MUC17: variants seen among roughly 807,000 people sequenced by gnomAD.
The protein encoded by MUC17 is mucin-17.
Under a neutral mutation model 170.3 loss-of-function variants are expected in MUC17, and 190 were observed. The observed-to-expected ratio is 1.12, with a 90% CI of 0.99 to 1.26. The LOEUF (loss-of-function observed/expected upper bound fraction) is 1.26. MUC17 is among the 50% of genes most tolerant of loss of function. MUC17 has a pLI of 0.00. For synonymous variants in MUC17, 2,325 were observed against 2,002.5 expected (o/e 1.16, Z -4.30); for missense variants, 6,415 against 5,530.0 (o/e 1.16, Z -5.08).
chr7:101,043,742 C>T lies in MUC17; in HGVS notation c.12326C>T (p.Thr4109Ile), dbSNP rs373695392. The change falls in exon 3 of 13, where the codon ACC becomes ATC. Residue 4109 changes from threonine to isoleucine, a missense_variant. Coordinates refer to ENST00000306151, the MANE Select transcript of MUC17 (RefSeq NM_001040105.2). ...CGGACCACTTCCTTCCCCACGGTGA[C>T]CACCACCGCTGTCCCCACGAATACT... ...STRTTSFPTV[T>I]TTAVPTNTTI... 11 of 1,614,086 alleles carry T rather than the reference C, an allele frequency of 6.8e-6. No homozygotes were observed. The African/African-American group carries it at 1.3e-4, about 20-fold the overall frequency.
Position 101,048,946 on chromosome 7 carries a change from G to T in MUC17, c.12637G>T (p.Glu4213Ter), listed in dbSNP as rs1554351614. The T allele has an allele frequency of 1.9e-5, 31 of 1,614,180 alleles. No individual in the cohort carries two copies. The highest frequency in any genetic ancestry group is 2.6e-5 in the Non-Finnish European group (31 of 1,180,028). ...LKNHSSQEFQ[E>*]FKQTFTEQMN... The stretch of plus-strand genomic sequence containing the variant: ...AAACCACTCTTCCCAGGAATTCCAG[G>T]AGTTCAAACAGACATTCACGGAACA... Residue 4213 changes from glutamate (E) to a stop codon, truncating the protein, a stop_gained, in exon 5 of 13, where the codon GAG (glutamate) becomes TAG (stop). Transcript: ENST00000306151. LOFTEE classifies it high-confidence loss of function.
At chr7:101,055,007 C>G (rs576815547) in intron 11 of MUC17, among the ~76,000 whole-genome samples, 1 of 152,026 alleles carries the variant, frequency 6.6e-6, no homozygotes, top group East Asian at 1.9e-4. Context: ...ACCTGGGAGG[C>G]TGAGGCAGGA....
intron 3 of MUC17, among the ~76,000 whole-genome samples, chr7:101,045,210 T>G (rs1584873580): frequency 6.6e-6 from 1 of 152,214 alleles, no homozygotes; most frequent in East Asian, 1.9e-4. Context: ...ACTGATTTAT[T>G]TAGATGAATA....
chr7:101,051,560 A>T (rs1243929847), intron 7 of MUC17, 53 bp from the exon 8 acceptor site: 1 of 1,581,490 alleles, frequency 6.3e-7, no homozygotes, highest in African/African-American at 1.4e-5. Flanking sequence ...CTCCCTGAGG[A>T]CGCAGAACAA....
chr7:101,034,199 G>A lies in MUC17; in HGVS notation c.2783G>A (p.Ser928Asn), dbSNP rs751052402. The A allele has an allele frequency of 6.3e-7, 1 of 1,597,230 alleles. No individual in the cohort carries two copies. Among genetic ancestry groups the A allele is most frequent in the East Asian group, 2.4e-5 (1 of 42,398 alleles). Residue 928 changes from serine (S) to asparagine (N), a missense_variant, in exon 3 of 13, where the codon AGT (serine) becomes AAT (asparagine). Coordinates refer to ENST00000306151, the MANE Select transcript of MUC17 (RefSeq NM_001040105.2). ...TPGEGSTPLT[S>N]MPDSTTPVVS... ...GGGGAAGGAAGCACTCCATTAACAA[G>A]TATGCCTGACAGCACCACGCCGGTA...
rs540348300 is a variant in MUC17 at position 101,020,835 on chromosome 7, C to T, written c.82+618C>T. On this transcript the variant is annotated intron_variant, in intron 1 of 12. Coordinates refer to ENST00000306151, the MANE Select transcript of MUC17 (RefSeq NM_001040105.2). ...CCTCTGAGGATCATTCCAGCTCAGC[C>T]GCTTTGGGCTTCATGGCCACAGGGA... Among the ~76,000 whole-genome samples, 61 of 152,292 alleles carry T rather than the reference C, an allele frequency of 4.0e-4. 1 individual carries two copies. The South Asian group carries it at 0.011, about 28-fold the overall frequency.
Position 101,031,974 on chromosome 7 carries a change from A to G in MUC17, c.558A>G (p.Thr186=). 1.2e-6 allele frequency: 2 copies of G among 1,614,156 alleles called. No individual in the cohort carries two copies. The highest frequency in any genetic ancestry group is 1.7e-6 in the Non-Finnish European group (2 of 1,180,034). Residue 186 remains threonine (T), a synonymous_variant, in exon 3 of 13, where the codon ACA becomes ACG. Coordinates refer to ENST00000306151, the MANE Select transcript of MUC17 (RefSeq NM_001040105.2). ...TSLTYKVDMS[T]PLTTSTQASS... ...TAACATATAAGGTTGATATGAGCACACCTCTGACCACTTCTACTCAGGCAA... is the reference window on the plus strand; with the variant it reads ...TAACATATAAGGTTGATATGAGCACGCCTCTGACCACTTCTACTCAGGCAA...
intron 3 of MUC17, among the ~76,000 whole-genome samples, chr7:101,046,219 C>G (rs968580674): frequency 6.6e-6 from 1 of 151,966 alleles, no homozygotes; most frequent in Non-Finnish European, 1.5e-5. Flanking sequence ...AGTGTGGATC[C>G]TGCTCTCTGA....
chr7:101,026,379 G>A (rs1794179087), intron 1 of MUC17, among the ~76,000 whole-genome samples: 1 of 152,188 alleles, frequency 6.6e-6, no homozygotes, highest in Admixed American at 6.5e-5. Flanking sequence ...GTTGGCCTTG[G>A]TAACTTGGCC....
intron 1 of MUC17, among the ~76,000 whole-genome samples, chr7:101,024,102 T>A (rs1006484216): frequency 1.3e-5 from 2 of 152,004 alleles, no homozygotes; most frequent in African/African-American, 2.4e-5. Context: ...TCTTTTTTTT[T>A]TAAAAGAGAA....
At chr7:101,031,485 C>A in intron 2 of MUC17, 116 bp from the exon 3 acceptor site, 3 of 1,158,074 alleles carry the variant, frequency 2.6e-6, no homozygotes, top group Non-Finnish European at 3.5e-6. Context: ...TTCCTGAAAA[C>A]GGATGACATC....
Position 101,032,350 on chromosome 7 carries a change from G to A in MUC17, c.934G>A (p.Ala312Thr), listed in dbSNP as rs187460352. The A allele has an allele frequency of 6.2e-6, 10 of 1,613,548 alleles. No individual in the cohort carries two copies. The East Asian group carries it at 6.7e-5, about 11-fold the overall frequency. ...TNIPVITSTE[A>T]SSSPTTAEGT... ...CATTCCTGTGATCACTTCTACTGAA[G>A]CCAGTTCATCTCCTACAACGGCTGA... is the stretch of plus-strand genomic sequence containing the variant. Residue 312 changes from alanine (A) to threonine (T), a missense_variant, in exon 3 of 13, where the codon GCC becomes ACC. Physicochemically the swap from Ala to Thr is moderately conservative, Grantham distance 58. Coordinates refer to ENST00000306151, the MANE Select transcript of MUC17 (RefSeq NM_001040105.2).
intron 1 of MUC17, among the ~76,000 whole-genome samples, chr7:101,022,163 A>ATTTTT (rs1247384498): frequency 8.9e-6 from 1 of 112,982 alleles, no homozygotes; most frequent in Non-Finnish European, 1.8e-5. Flanking sequence ...CTCCCGAGAG[A>ATTTTT]TTTTTTTTTT....
At chr7:101,044,457 C>G (rs371773540) in intron 3 of MUC17, among the ~76,000 whole-genome samples, 62 of 152,322 alleles carry the variant, frequency 4.1e-4, no homozygotes, top group Middle Eastern at 3.4e-3. Flanking sequence ...TCCTAAACTC[C>G]TTTTGCTCTG....
chr7:101,042,941 C>A lies in MUC17; in HGVS notation c.11525C>A (p.Thr3842Asn), dbSNP rs1297609468. The change falls in exon 3 of 13, where the codon ACC (threonine) becomes AAC (asparagine). Residue 3842 changes from threonine to asparagine, a missense_variant. Physicochemically the swap from Thr to Asn is moderately conservative, Grantham distance 65. Transcript: ENST00000306151. ...ASTLSTPPGD[T>N]STPLLTSTKA... ...ACACTTTCAACACCTCCTGGTGATA[C>A]CAGCACACCTTTGCTCACCTCTACC... is the stretch of plus-strand genomic sequence containing the variant. 1 of 1,614,162 alleles carries A rather than the reference C, an allele frequency of 6.2e-7. No individual in the cohort carries two copies. Among genetic ancestry groups the A allele is most frequent in the Non-Finnish European group, 8.5e-7 (1 of 1,180,038 alleles).
chr7:101,034,318 GC>G lies in MUC17; in HGVS notation c.2903del (p.Ala968ValfsTer18), dbSNP rs1794390211. On this transcript the variant is annotated frameshift_variant, in exon 3 of 13. Transcript: ENST00000306151. LOFTEE classifies it high-confidence loss of function. ...STEATSSPTT[A>X]EGTSIPTSTP... ...TGAAGCCACTTCATCTCCTACAACT[GC>G]TGAAGGTACCAGCATACCAACCTCG... 1 of 1,609,198 alleles carries G rather than the reference GC, an allele frequency of 6.2e-7. No homozygotes were observed. Among genetic ancestry groups the G allele is most frequent in the African/African-American group, 1.3e-5 (1 of 74,490 alleles).
In MUC17 at chr7:101,033,220, A is replaced by G. The variant is rs750107408; in HGVS notation, c.1804A>G (p.Thr602Ala). 5 of 1,614,122 alleles carry G rather than the reference A, an allele frequency of 3.1e-6. No individual in the cohort carries two copies. The East Asian group carries it at 1.1e-4, about 36-fold the overall frequency. ...TCCTGCTGACTCCAACACTTTTGTG[A>G]CCACTTCTAGTGAAGCTAGTTCATC... Reference protein sequence around the residue: ...TTPADSNTFVTTSSEASSSST... With the variant: ...TTPADSNTFVATSSEASSSST... Residue 602 changes from threonine (T) to alanine (A), a missense_variant, in exon 3 of 13, where the codon ACC becomes GCC. Thr to Ala is a moderately conservative substitution (Grantham distance 58). Coordinates refer to ENST00000306151, the MANE Select transcript of MUC17 (RefSeq NM_001040105.2).
chr7:101,033,794 G>T lies in MUC17; in HGVS notation c.2378G>T (p.Gly793Val). The T allele has an allele frequency of 6.2e-7, 1 of 1,613,926 alleles. No individual in the cohort carries two copies. Among genetic ancestry groups the T allele is most frequent in the South Asian group, 1.1e-5 (1 of 91,046 alleles). The change falls in exon 3 of 13, where the codon GGT (glycine) becomes GTT (valine). Residue 793 changes from glycine to valine, a missense_variant. Coordinates refer to ENST00000306151, the MANE Select transcript of MUC17 (RefSeq NM_001040105.2). Reference sequence around the variant, plus strand: ...AGTTGCTCTCCTACAACCACTGAAGGTACCAGCATGCCAATCTCAACTCCT... The same window carrying T: ...AGTTGCTCTCCTACAACCACTGAAGTTACCAGCATGCCAATCTCAACTCCT... ...EASCSPTTTEGTSMPISTPSE... is the reference protein window; with the variant it reads ...EASCSPTTTEVTSMPISTPSE...
intron 2 of MUC17, 44 bp downstream of exon 2, chr7:101,031,265 C>T: frequency 6.3e-7 from 1 of 1,589,982 alleles, no homozygotes; most frequent in Non-Finnish European, 8.6e-7. Context: ...GGTGGCTCAC[C>T]TGCGAAAGGG....
Sources: gnomAD v4.1 joint callset for allele counts (sites outside exome capture counted in the v4.1 genomes callset) on GRCh38, gnomAD v4.1.1 for gene constraint, MANE v1.5 for transcripts, NCBI Gene and HGNC (gene_info 2026-07-23, HGNC 2026-07-21) for gene names.